The following FAAH2 variants were observed in gnomAD, a reference collection of about 807,000 sequenced individuals.
The protein encoded by FAAH2 is fatty-acid amide hydrolase 2.
A neutral mutation model predicts 36.9 loss-of-function variants in FAAH2; 60 were observed. That is an observed-to-expected ratio of 1.63 (90% CI 1.32 to 2.02). The LOEUF (loss-of-function observed/expected upper bound fraction) is 2.02, where lower values mean the gene tolerates loss of function less well. Ranked by LOEUF, FAAH2 falls within the 30% of genes most tolerant of loss-of-function variation. The pLI is 0.00. For missense variants in FAAH2, 689 were observed against 397.5 expected, an observed-to-expected ratio of 1.73 and a Z score of -6.23; for synonymous variants, 214 against 143.8, an observed-to-expected ratio of 1.49 and a Z score of -3.49.
At chrX:57,220,914 G>A in the FAAH2 span, among the ~76,000 whole-genome samples, 2 of 111,993 alleles carry the variant, frequency 1.8e-5, no homozygotes, top group Non-Finnish European at 3.8e-5. Context: ...GAAGAATGAT[G>A]GTGCCCTGGA....
At chrX:57,346,897 C>T (rs896000964) in intron 5 of FAAH2, among the ~76,000 whole-genome samples, 1 of 111,349 alleles carries the variant, frequency 9.0e-6, no homozygotes, top group Non-Finnish European at 1.9e-5. Flanking sequence ...ACCCCCGTGT[C>T]TTCTGCCTTT....
the FAAH2 span, among the ~76,000 whole-genome samples, chrX:57,138,547 T>A: frequency 1.8e-5 from 2 of 111,370 alleles, no homozygotes; most frequent in African/African-American, 6.5e-5. Context: ...CTCGTTGATA[T>A]GCTGATTTCC....
At chrX:57,375,022 G>C (rs2054636377) in intron 5 of FAAH2, among the ~76,000 whole-genome samples, 1 of 110,950 alleles carries the variant, frequency 9.0e-6, no homozygotes, top group Non-Finnish European at 1.9e-5. Context: ...AATGACACAA[G>C]TCATTAACCT....
At chrX:57,164,162 G>C in the FAAH2 span, among the ~76,000 whole-genome samples, 3 of 112,147 alleles carry the variant, frequency 2.7e-5, no homozygotes, top group African/African-American at 9.7e-5. Flanking sequence ...AGTAAAAACA[G>C]TTGGGAAAAA....
chrX:57,299,102 T>A (rs1418095160), intron 2 of FAAH2, among the ~76,000 whole-genome samples: 1 of 111,641 alleles, frequency 9.0e-6, no homozygotes, highest in African/African-American at 3.3e-5. Context: ...TAACTCATTT[T>A]ATGAGGCCAG....
At chrX:57,207,985 G>A in the FAAH2 span, among the ~76,000 whole-genome samples, 1 of 112,806 alleles carries the variant, frequency 8.9e-6, no homozygotes, top group East Asian at 2.8e-4. Flanking sequence ...AAAAGGAAAA[G>A]GCTCAAATGT....
intron 5 of FAAH2, among the ~76,000 whole-genome samples, chrX:57,361,602 C>A (rs1489267168): frequency 9.0e-6 from 1 of 110,914 alleles, no homozygotes; most frequent in South Asian, 3.7e-4. Context: ...TCCAAAATTC[C>A]TCTTGTTATT....
upstream of FAAH2, among the ~76,000 whole-genome samples, chrX:57,284,403 A>G (rs926876665): frequency 9.0e-6 from 1 of 110,825 alleles, no homozygotes; most frequent in Non-Finnish European, 1.9e-5. Flanking sequence ...ACAAAACAAC[A>G]ACAACAACAA....
Position 57,415,218 on chromosome X carries a change from C to A in FAAH2, c.997-16700C>A, listed in dbSNP as rs193040557. On this transcript the variant is annotated intron_variant, in intron 7 of 10. Coordinates refer to ENST00000374900, the MANE Select transcript of FAAH2 (RefSeq NM_174912.4). ...TTGATTTTTCGACGAGTTTTCATTTCTCTCCTTCAGTTCTGCACTGATCTT... is the reference window on the plus strand; with the variant it reads ...TTGATTTTTCGACGAGTTTTCATTTATCTCCTTCAGTTCTGCACTGATCTT... Among the ~76,000 whole-genome samples, 8 of 107,121 alleles carry A rather than the reference C, an allele frequency of 7.5e-5. No individual in the cohort carries two copies. The East Asian group carries it at 2.1e-3, about 28-fold the overall frequency. 93.0% of individuals were successfully genotyped at this position (107,121 alleles called of 115,157 possible).
At chrX:57,385,138 G>A (rs1002427224) in intron 7 of FAAH2, among the ~76,000 whole-genome samples, 2 of 109,951 alleles carry the variant, frequency 1.8e-5, no homozygotes, top group Admixed American at 9.7e-5. Context: ...TGTGGGGTGG[G>A]GGGAGTGGGG....
At chrX:57,222,079 G>A in the FAAH2 span, among the ~76,000 whole-genome samples, 2 of 111,117 alleles carry the variant, frequency 1.8e-5, no homozygotes, top group East Asian at 5.7e-4. Context: ...ACCTATCTAT[G>A]CCTAACTCTT....
intron 5 of FAAH2, among the ~76,000 whole-genome samples, chrX:57,345,189 C>T (rs904977210): frequency 4.4e-4 from 47 of 106,130 alleles, no homozygotes; most frequent in African/African-American, 1.6e-3. Context: ...CTTCCCTTCC[C>T]TCCTCTCCCC....
At chrX:57,200,278 G>A in the FAAH2 span, among the ~76,000 whole-genome samples, 1 of 108,379 alleles carries the variant, frequency 9.2e-6, no homozygotes, top group Non-Finnish European at 1.9e-5. Context: ...CAATAGGCTT[G>A]CAAATAATGT....
chrX:57,140,512 G>A, the FAAH2 span, among the ~76,000 whole-genome samples: 1 of 104,528 alleles, frequency 9.6e-6, no homozygotes, highest in Non-Finnish European at 2.0e-5. Context: ...GGAGAATGGC[G>A]TGAACCCGGG....
chrX:57,303,541 A>G (rs1028487366), intron 2 of FAAH2, among the ~76,000 whole-genome samples: 3 of 112,039 alleles, frequency 2.7e-5, no homozygotes, highest in African/African-American at 9.7e-5. Context: ...TTTATGCATT[A>G]TGACATTTAA....
At chrX:57,133,973 C>G in the FAAH2 span, among the ~76,000 whole-genome samples, 13 of 111,184 alleles carry the variant, frequency 1.2e-4, no homozygotes, top group East Asian at 2.9e-4. Flanking sequence ...CATGGAGTTA[C>G]GGTAACCTGG....
At chrX:57,372,237 G>T (rs2054570427) in intron 5 of FAAH2, among the ~76,000 whole-genome samples, 1 of 111,400 alleles carries the variant, frequency 9.0e-6, no homozygotes, top group South Asian at 3.8e-4. Flanking sequence ...GCCTTCCAAA[G>T]AACTGAACCA....
intron 10 of FAAH2, chrX:57,452,395 T>A (rs2056801065): frequency 1.4e-6 from 1 of 708,487 alleles, no homozygotes; most frequent in African/African-American, 2.4e-5. Flanking sequence ...AGCATTCTTT[T>A]TCTCTGAGAA....
intron 3 of FAAH2, among the ~76,000 whole-genome samples, chrX:57,330,939 C>T (rs1337510031): frequency 4.5e-5 from 5 of 110,358 alleles, no homozygotes; most frequent in Non-Finnish European, 9.5e-5. Flanking sequence ...TTAGGGGCTG[C>T]ACTGCAAGCA....
Sources: allele counts gnomAD v4.1 joint callset (sites outside exome capture counted in the v4.1 genomes callset), GRCh38; gene constraint gnomAD v4.1.1; transcripts MANE v1.5; gene names NCBI Gene and HGNC (gene_info 2026-07-23, HGNC 2026-07-21).